IL1RL2: variants seen among roughly 807,000 people sequenced by gnomAD.
The protein encoded by IL1RL2 is interleukin 1 receptor like 2.
IL1RL2 carries 68 observed loss-of-function variants against 66.8 expected under a neutral mutation model. The ratio of observed to expected loss-of-function variants is 1.02; its 90% CI spans 0.84 to 1.25. The LOEUF (loss-of-function observed/expected upper bound fraction) is 1.25, where lower values mean the gene tolerates loss of function less well. Ranked by LOEUF, IL1RL2 falls within the 50% of genes most tolerant of loss-of-function variation. The pLI is 0.00. For missense variants in IL1RL2, 729 were observed against 709.3 expected (o/e 1.03, Z -0.32); for synonymous variants, 305 against 264.6 (o/e 1.15, Z -1.48).
intron 6 of IL1RL2, among the ~76,000 whole-genome samples, chr2:102,216,543 T>C (rs1689629799): frequency 6.6e-6 from 1 of 152,200 alleles, no homozygotes; most frequent in Non-Finnish European, 1.5e-5. Context: ...CTGTATGTCT[T>C]TGAATTAGAG....
In IL1RL2 at chr2:102,234,919, A is replaced by C; in HGVS notation, c.1320A>C (p.Glu440Asp). The change falls in exon 11 of 12, where the codon GAA (glutamate) becomes GAC (aspartate). Residue 440 changes from glutamate to aspartate, a missense_variant. Glu to Asp is a conservative substitution (Grantham distance 45, BLOSUM62 2). Transcript: ENST00000264257. The part of the protein sequence containing the change: ...PGQAVANVID[E>D]NVKLCRRLIV... The stretch of plus-strand genomic sequence containing the variant: ...CAGCCGTGGCCAATGTCATCGATGA[A>C]AACGTTAAGCTGTGCAGGAGGCTGA... The C allele has an allele frequency of 6.2e-7, 1 of 1,611,870 alleles. No individual in the cohort carries two copies. The highest frequency in any genetic ancestry group is 8.5e-7 in the Non-Finnish European group (1 of 1,178,140).
At chr2:102,210,439 C>A (rs894375148) in intron 5 of IL1RL2, among the ~76,000 whole-genome samples, 13 of 152,148 alleles carry the variant, frequency 8.5e-5, no homozygotes, top group African/African-American at 2.9e-4. Context: ...ATTTTCATTT[C>A]TGAAACAGCA....
At chr2:102,230,020 A>G (rs965807374) in intron 9 of IL1RL2, among the ~76,000 whole-genome samples, 1 of 152,224 alleles carries the variant, frequency 6.6e-6, no homozygotes, top group Non-Finnish European at 1.5e-5. Context: ...GAAGAGAGAT[A>G]ACTAGTGGCA....
intron 10 of IL1RL2, among the ~76,000 whole-genome samples, 195 bp from the exon 11 acceptor site, chr2:102,234,702 G>A (rs1674694070): frequency 6.6e-6 from 1 of 152,016 alleles, no homozygotes; most frequent in African/African-American, 2.4e-5. Context: ...CAGGAGAATC[G>A]CTTGAACCTG....
intron 11 of IL1RL2, among the ~76,000 whole-genome samples, chr2:102,236,941 A>C (rs1003069361): frequency 6.6e-6 from 1 of 152,270 alleles, no homozygotes; most frequent in Non-Finnish European, 1.5e-5. Context: ...GAATTTACCA[A>C]CAGTGCTGGT....
chr2:102,201,664 A>G lies in IL1RL2; in HGVS notation c.598A>G (p.Thr200Ala), dbSNP rs746996241. The stretch of plus-strand genomic sequence containing the variant: ...GAACTACGCGTGTCAAGCCATACTG[A>G]CACACTCAGGGAAGCAGTACGAGGT... ...RGNYACQAIL[T>A]HSGKQYEVLN... The change falls in exon 5 of 12, where the codon ACA becomes GCA. Residue 200 changes from threonine to alanine, a missense_variant. Coordinates refer to ENST00000264257, the MANE Select transcript of IL1RL2 (RefSeq NM_003854.4). 6 of 1,614,106 alleles carry G rather than the reference A, an allele frequency of 3.7e-6. No homozygotes were observed. Among genetic ancestry groups the G allele is most frequent in the Non-Finnish European group, 5.1e-6 (6 of 1,180,000 alleles).
intron 6 of IL1RL2, among the ~76,000 whole-genome samples, chr2:102,217,720 G>C (rs1034361879): frequency 6.6e-6 from 1 of 152,072 alleles, no homozygotes; most frequent in African/African-American, 2.4e-5. Context: ...AGGAAAATTG[G>C]ATATCCACAT....
intron 5 of IL1RL2, among the ~76,000 whole-genome samples, chr2:102,203,041 T>A (rs1688404233): frequency 6.6e-6 from 1 of 152,204 alleles, no homozygotes; most frequent in Non-Finnish European, 1.5e-5. Flanking sequence ...TTTATTACAT[T>A]GAGACATGTT....
At chr2:102,187,727 G>A (rs921198124) in intron 1 of IL1RL2, 129 bp from the exon 2 acceptor site, 17 of 784,260 alleles carry the variant, frequency 2.2e-5, no homozygotes, top group African/African-American at 2.0e-4. Context: ...AAGTCGGAGG[G>A]CTCCCCAGGA....
intron 5 of IL1RL2, among the ~76,000 whole-genome samples, chr2:102,207,046 T>C (rs189928173): frequency 7.2e-5 from 11 of 151,896 alleles, no homozygotes; most frequent in African/African-American, 2.7e-4. Context: ...CCACAAGGAG[T>C]ACTGCCAGAC....
intron 4 of IL1RL2, among the ~76,000 whole-genome samples, chr2:102,200,031 C>A (rs543925070): frequency 6.6e-6 from 1 of 150,996 alleles, no homozygotes; most frequent in South Asian, 2.1e-4. Flanking sequence ...GTGGCACGTA[C>A]CTGTAGTCCC....
At chr2:102,233,256 C>A in intron 10 of IL1RL2, 132 bp downstream of exon 10, 1 of 869,460 alleles carries the variant, frequency 1.2e-6, no homozygotes, top group Non-Finnish European at 1.7e-6. Flanking sequence ...GACCAGCGCC[C>A]CCTGCCCGTC....
chr2:102,215,304 C>T (rs758135584), intron 6 of IL1RL2, among the ~76,000 whole-genome samples: 3 of 152,166 alleles, frequency 2.0e-5, no homozygotes, highest in African/African-American at 4.8e-5. Flanking sequence ...AGAGTGAGTC[C>T]TGTTCTGGGG....
At chr2:102,214,387 C>G (rs966583854) in intron 6 of IL1RL2, among the ~76,000 whole-genome samples, 1 of 152,108 alleles carries the variant, frequency 6.6e-6, no homozygotes, top group Non-Finnish European at 1.5e-5. Flanking sequence ...AGCATTTTTA[C>G]ATGCCTGAAA....
At chr2:102,223,810 A>G (rs888513685) in intron 8 of IL1RL2, among the ~76,000 whole-genome samples, 1 of 152,184 alleles carries the variant, frequency 6.6e-6, no homozygotes, top group African/African-American at 2.4e-5. Flanking sequence ...AGAGGTGGCA[A>G]TGTTACCCCT....
chr2:102,235,395 A>G, intron 11 of IL1RL2, 118 bp downstream of exon 11: 1 of 1,488,704 alleles, frequency 6.7e-7, no homozygotes, highest in Non-Finnish European at 8.9e-7. Flanking sequence ...TGAAGCTGGC[A>G]GTTGCGTACT....
intron 4 of IL1RL2, among the ~76,000 whole-genome samples, chr2:102,196,915 C>T (rs1258744449): frequency 1.3e-5 from 2 of 152,114 alleles, no homozygotes; most frequent in Non-Finnish European, 2.9e-5. Context: ...AGCAAATTCA[C>T]ATTTGAGAAA....
chr2:102,187,437 G>A, intron 1 of IL1RL2: 1 of 1,073,986 alleles, frequency 9.3e-7, no homozygotes. Context: ...CAGGCGCGCA[G>A]GGGAGGCTCC....
chr2:102,218,712 C>T (rs1689829577), intron 6 of IL1RL2, among the ~76,000 whole-genome samples: 1 of 152,074 alleles, frequency 6.6e-6, no homozygotes, highest in African/African-American at 2.4e-5. Context: ...ATTTGTGTAC[C>T]TGATGATGTT....
Sources: allele counts gnomAD v4.1 joint callset (sites outside exome capture counted in the v4.1 genomes callset), GRCh38; gene constraint gnomAD v4.1.1; transcripts MANE v1.5; gene names NCBI Gene and HGNC (gene_info 2026-07-23, HGNC 2026-07-21).